The following STPG2 variants were observed in gnomAD, a reference collection of about 807,000 sequenced individuals.
The protein encoded by STPG2 is sperm tail PG-rich repeat containing 2.
Under a neutral mutation model 54.2 loss-of-function variants are expected in STPG2, and 56 were observed. That is an observed-to-expected ratio of 1.03 (90% CI 0.83 to 1.29). STPG2 has a LOEUF of 1.29. Among genes scored for constraint, STPG2 ranks in the 50% most tolerant of loss-of-function variants. The pLI is 0.00. For missense variants in STPG2, 596 were observed against 544.9 expected, an observed-to-expected ratio of 1.09 and a Z score of -0.93; for synonymous variants, 200 against 181.8, an observed-to-expected ratio of 1.10 and a Z score of -0.81.
At chr4:97,441,919 A>G (rs1476039652) in intron 4 of STPG2, among the ~76,000 whole-genome samples, 4 of 152,096 alleles carry the variant, frequency 2.6e-5, no homozygotes, top group Admixed American at 6.5e-5. Context: ...AACTTTCACA[A>G]TATAATTTAA....
chr4:97,876,423 T>C (rs1319493366), intron 8 of STPG2, among the ~76,000 whole-genome samples: 1 of 152,056 alleles, frequency 6.6e-6, no homozygotes, highest in Non-Finnish European at 1.5e-5. Context: ...TAAGCAATGA[T>C]GTCTTAAAAG....
intron 5 of STPG2, among the ~76,000 whole-genome samples, chr4:98,028,485 T>C (rs1469586046): frequency 3.3e-5 from 5 of 152,216 alleles, no homozygotes; most frequent in Admixed American, 6.5e-5. Context: ...CCCTTTCCAA[T>C]AGTTTCAAAT....
intron 8 of STPG2, among the ~76,000 whole-genome samples, chr4:97,854,671 G>C (rs1019699488): frequency 1.3e-5 from 2 of 152,010 alleles, no homozygotes; most frequent in Admixed American, 1.3e-4. Context: ...TATCAATAAT[G>C]ACATTACATG....
chr4:97,994,216 T>C lies in STPG2; in HGVS notation c.613-12898A>G, dbSNP rs371272551. The stretch of plus-strand genomic sequence containing the variant: ...TTTTTTAATTTCCAACTTTATTTCA[T>C]TGTTAACCCAACGTTCATTCAGGAG... On this transcript the variant is annotated intron_variant, in intron 5 of 10. Transcript: ENST00000295268. Among the ~76,000 whole-genome samples, 14 of 152,326 alleles carry C rather than the reference T, an allele frequency of 9.2e-5. No homozygotes were observed. In the East Asian group the frequency reaches 2.7e-3, roughly 29 times the overall value.
At chr4:98,099,540 T>G (rs914330166) in intron 5 of STPG2, among the ~76,000 whole-genome samples, 1 of 152,032 alleles carries the variant, frequency 6.6e-6, no homozygotes, top group African/African-American at 2.4e-5. Flanking sequence ...AAAGAATGAA[T>G]AAGGCCTACT....
chr4:97,583,978 T>C (rs561204840), intron 10 of STPG2, among the ~76,000 whole-genome samples: 1 of 151,798 alleles, frequency 6.6e-6, no homozygotes, highest in East Asian at 1.9e-4. Context: ...GTTATCAAGA[T>C]AGAGTGTCAA....
chr4:97,808,986 C>A (rs1451715443), intron 9 of STPG2, among the ~76,000 whole-genome samples: 1 of 151,556 alleles, frequency 6.6e-6, no homozygotes, highest in Admixed American at 6.6e-5. Flanking sequence ...GGCAAGTGGG[C>A]AAAAAAAGCA....
intron 9 of STPG2, among the ~76,000 whole-genome samples, chr4:97,741,308 T>A (rs376374232): frequency 6.6e-6 from 1 of 152,076 alleles, no homozygotes; most frequent in African/African-American, 2.4e-5. Flanking sequence ...CATGGGCAAG[T>A]ACTTCATGTC....
chr4:97,650,030 T>G (rs1429587941), intron 10 of STPG2, among the ~76,000 whole-genome samples: 2 of 152,068 alleles, frequency 1.3e-5, no homozygotes, highest in African/African-American at 4.8e-5. Context: ...AGGCATTAGA[T>G]TCTCATAAGG....
intron 5 of STPG2, among the ~76,000 whole-genome samples, chr4:97,983,749 G>A (rs747739273): frequency 6.6e-6 from 1 of 152,120 alleles, no homozygotes; most frequent in African/African-American, 2.4e-5. Flanking sequence ...TGCTACTGGG[G>A]TATCTTTGCT....
At chr4:97,599,890 A>G (rs1733413015) in intron 10 of STPG2, among the ~76,000 whole-genome samples, 1 of 152,110 alleles carries the variant, frequency 6.6e-6, no homozygotes, top group Admixed American at 6.6e-5. Context: ...CATATACTCC[A>G]TGAAATACTG....
At chr4:97,648,949 T>A (rs1721987779) in intron 10 of STPG2, among the ~76,000 whole-genome samples, 1 of 152,214 alleles carries the variant, frequency 6.6e-6, no homozygotes, top group Admixed American at 6.5e-5. Flanking sequence ...ATCCTACACA[T>A]CCAGGTTATA....
chr4:97,771,784 A>G (rs1726227351), intron 9 of STPG2, among the ~76,000 whole-genome samples: 1 of 152,252 alleles, frequency 6.6e-6, no homozygotes, highest in South Asian at 2.1e-4. Context: ...GCCCTGGAGC[A>G]CAAAGTGCCT....
intron 10 of STPG2, among the ~76,000 whole-genome samples, chr4:97,651,191 C>A (rs2148953445): frequency 6.6e-6 from 1 of 152,122 alleles, no homozygotes; most frequent in African/African-American, 2.4e-5. Flanking sequence ...AGTTTCTTGA[C>A]TACCTGTGTT....
intron 10 of STPG2, among the ~76,000 whole-genome samples, chr4:97,661,834 A>G (rs1567288): frequency 0.6 from 91,390 of 151,936 alleles, 27,797 homozygotes; most frequent in South Asian, 0.71. Flanking sequence ...TATCAAGAAC[A>G]AGTATTAGTT....
chr4:97,889,145 A>G (rs1336088086), intron 8 of STPG2, among the ~76,000 whole-genome samples: 2 of 152,204 alleles, frequency 1.3e-5, no homozygotes, highest in African/African-American at 4.8e-5. Context: ...AAACTAATAC[A>G]CACCTATTAT....
chr4:98,000,362 G>A (rs922109519), intron 5 of STPG2, among the ~76,000 whole-genome samples: 1 of 151,990 alleles, frequency 6.6e-6, no homozygotes, highest in African/African-American at 2.4e-5. Flanking sequence ...TTTGCTATAT[G>A]ATTATACTTG....
At chr4:98,006,903 C>T (rs1735595060) in intron 5 of STPG2, among the ~76,000 whole-genome samples, 1 of 152,164 alleles carries the variant, frequency 6.6e-6, no homozygotes, top group Non-Finnish European at 1.5e-5. Context: ...CCTTCCCTTC[C>T]TGTGCAAAGA....
At chr4:97,740,098 A>G (rs1725171889) in intron 9 of STPG2, among the ~76,000 whole-genome samples, 1 of 152,206 alleles carries the variant, frequency 6.6e-6, no homozygotes, top group African/African-American at 2.4e-5. Context: ...TATAAACAGA[A>G]CCAAAGAAAA....
Sources: allele counts gnomAD v4.1 joint callset (sites outside exome capture counted in the v4.1 genomes callset), GRCh38; gene constraint gnomAD v4.1.1; transcripts MANE v1.5; gene names NCBI Gene and HGNC (gene_info 2026-07-23, HGNC 2026-07-21).